The following TUNAR variants were observed in gnomAD, a reference collection of about 807,000 sequenced individuals.
The protein encoded by TUNAR is transmembrane neural differentiation associated intracellular calcium regulator, also known as protein TUNAR.
intron 2 of TUNAR, among the ~76,000 whole-genome samples, chr14:95,897,962 C>T (rs1889291218): frequency 6.6e-6 from 1 of 151,822 alleles, no homozygotes; most frequent in Admixed American, 6.6e-5. Flanking sequence ...TTTGTTTCTT[C>T]TGGAGAGCTA....
chr14:95,912,356 C>T (rs1889527339), intron 2 of TUNAR, among the ~76,000 whole-genome samples: 1 of 152,182 alleles, frequency 6.6e-6, no homozygotes, highest in South Asian at 2.1e-4. Flanking sequence ...CTTAAATTTA[C>T]ATTACCTAAT....
At chr14:95,888,217 T>C (rs561514148) in intron 2 of TUNAR, among the ~76,000 whole-genome samples, 1 of 152,342 alleles carries the variant, frequency 6.6e-6, no homozygotes, top group South Asian at 2.1e-4. Flanking sequence ...ATCCCAGCTT[T>C]GATTAATATT....
At chr14:95,900,860 T>G (rs1187709382) in intron 2 of TUNAR, among the ~76,000 whole-genome samples, 1 of 152,130 alleles carries the variant, frequency 6.6e-6, no homozygotes, top group Non-Finnish European at 1.5e-5. Context: ...ACATCGCCAT[T>G]TTGTGGACAG....
intron 2 of TUNAR, among the ~76,000 whole-genome samples, chr14:95,912,783 CTTTTTTTCTT>C (rs778944246): frequency 4.7e-4 from 72 of 152,010 alleles, no homozygotes; most frequent in Non-Finnish European, 8.5e-4. Flanking sequence ...GGGCATCTTC[CTTTTTTTCTT>C]TTTTTTTCTT....
intron 2 of TUNAR, among the ~76,000 whole-genome samples, chr14:95,888,352 AC>A (rs1889111242): frequency 6.6e-6 from 1 of 152,270 alleles, no homozygotes; most frequent in African/African-American, 2.4e-5. Flanking sequence ...AGATGAAAAT[AC>A]TAAGCCTTCG....
At chr14:95,913,909 T>C (rs1889559925) in intron 2 of TUNAR, among the ~76,000 whole-genome samples, 3 of 152,292 alleles carry the variant, frequency 2.0e-5, no homozygotes, top group South Asian at 4.2e-4. Context: ...ATTTTTGTAT[T>C]TATAGTAGAG....
chr14:95,884,985 G>A (rs933313504), intron 2 of TUNAR, among the ~76,000 whole-genome samples: 60 of 152,092 alleles, frequency 3.9e-4, no homozygotes, highest in African/African-American at 1.4e-3. Flanking sequence ...CAATCCCTTG[G>A]CAAGTAGGAG....
In TUNAR at chr14:95,922,979, G is replaced by T. The variant is rs907460296; in HGVS notation, c.*13G>T. On this transcript the variant is annotated 3_prime_UTR_variant, in exon 3 of 3. Transcript: ENST00000678517. ...CACCACCCTGTGAATGGCCCAGAGC[G>T]TCCTCAGAGGCCTCAGAATGGCCAA... 1.3e-5 allele frequency: 5 copies of T among 398,928 alleles called. No individual in the cohort carries two copies. The South Asian group carries it at 6.4e-4, about 51-fold the overall frequency. The allele number at this position is 398,928 out of a possible 1,614,324, so 24.7% of individuals were successfully genotyped here.
chr14:95,885,121 G>A (rs1183166217), intron 2 of TUNAR, among the ~76,000 whole-genome samples: 1 of 152,242 alleles, frequency 6.6e-6, no homozygotes, highest in East Asian at 1.9e-4. Flanking sequence ...TTTTCTGAAA[G>A]CCAGCCTGCC....
At chr14:95,893,159 C>G (rs1026454777) in intron 2 of TUNAR, among the ~76,000 whole-genome samples, 1 of 152,030 alleles carries the variant, frequency 6.6e-6, no homozygotes, top group Admixed American at 6.6e-5. Flanking sequence ...CGTGAGGGTC[C>G]CTGCCAAGGA....
At chr14:95,896,224 G>A (rs536288209) in intron 2 of TUNAR, among the ~76,000 whole-genome samples, 2 of 152,318 alleles carry the variant, frequency 1.3e-5, no homozygotes, top group South Asian at 4.2e-4. Flanking sequence ...GTGAGCTGTG[G>A]AAGAAATGGG....
chr14:95,922,525 G>A (rs945057582), intron 2 of TUNAR, among the ~76,000 whole-genome samples: 3 of 152,224 alleles, frequency 2.0e-5, no homozygotes, highest in Non-Finnish European at 4.4e-5. Context: ...AACAAAGTGG[G>A]TGATGCCCGG....
intron 2 of TUNAR, among the ~76,000 whole-genome samples, chr14:95,877,469 T>G (rs577174630): frequency 6.6e-6 from 1 of 152,118 alleles, no homozygotes; most frequent in African/African-American, 2.4e-5. Context: ...GACTTAGCAT[T>G]TGGGGGCAAC....
chr14:95,905,408 A>T (rs1278099570), intron 2 of TUNAR, among the ~76,000 whole-genome samples: 1 of 152,072 alleles, frequency 6.6e-6, no homozygotes, highest in Non-Finnish European at 1.5e-5. Context: ...TGACCCTAAC[A>T]CTTCAGAAGA....
chr14:95,889,075 C>G (rs770914649), intron 2 of TUNAR, among the ~76,000 whole-genome samples: 3 of 152,106 alleles, frequency 2.0e-5, no homozygotes, highest in Non-Finnish European at 4.4e-5. Flanking sequence ...GAGCTGTGTG[C>G]GAGTCCAGCT....
chr14:95,916,362 A>G (rs773077491), intron 2 of TUNAR, among the ~76,000 whole-genome samples: 9 of 152,308 alleles, frequency 5.9e-5, no homozygotes, highest in South Asian at 2.1e-4. Context: ...AACTTCCCAC[A>G]TAAGTGGGAA....
At chr14:95,920,408 A>C (rs750642569) in intron 2 of TUNAR, among the ~76,000 whole-genome samples, 15 of 152,216 alleles carry the variant, frequency 9.9e-5, no homozygotes, top group Non-Finnish European at 1.5e-4. Context: ...CATCATTAAA[A>C]GTATACGAGG....
At chr14:95,881,708 A>G (rs1184544823) in intron 2 of TUNAR, among the ~76,000 whole-genome samples, 4 of 152,222 alleles carry the variant, frequency 2.6e-5, no homozygotes, top group African/African-American at 7.2e-5. Context: ...AAGGTCACCC[A>G]TGTGAGTATA....
chr14:95,887,673 A>G (rs1414958147), intron 2 of TUNAR, among the ~76,000 whole-genome samples: 1 of 152,176 alleles, frequency 6.6e-6, no homozygotes, highest in African/African-American at 2.4e-5. Flanking sequence ...GCAGTTTCGG[A>G]CAGTACTAAT....
Sources: gnomAD v4.1 joint callset for allele counts (sites outside exome capture counted in the v4.1 genomes callset) on GRCh38, gnomAD v4.1.1 for gene constraint, MANE v1.5 for transcripts, NCBI Gene and HGNC (gene_info 2026-07-23, HGNC 2026-07-21) for gene names.